The following ATG12 variants were observed in gnomAD, a reference collection of about 807,000 sequenced individuals.
ATG12 encodes the protein autophagy related 12.
In ATG12, 19 loss-of-function variants were observed where a neutral mutation model predicts 17.6. That is an observed-to-expected ratio of 1.08 (90% confidence interval 0.75 to 1.58). The LOEUF (loss-of-function observed/expected upper bound fraction) is 1.58, where lower values mean the gene tolerates loss of function less well. ATG12 is among the 40% of genes most tolerant of loss of function. The pLI, the probability that ATG12 is intolerant of heterozygous loss-of-function variation, is 0.00. For synonymous variants in ATG12, 75 were observed against 62.4 expected (o/e 1.20, Z -0.95); for missense variants, 214 against 162.0 (o/e 1.32, Z -1.74).
rs1231791116 is a variant in ATG12 at position 115,841,532 on chromosome 5, A to T, written c.21T>A (p.Ser7=). ...CAATTGAAGTAGGAAGCTGCAACAC[A>T]GACTGCGGCTCCTCCGCCATCTTGC... is the stretch of plus-strand genomic sequence containing the variant. The part of the protein sequence containing the change: MAEEPQ[S]VLQLPTSIAA... The change falls in exon 1 of 4, where the codon TCT becomes TCA. Residue 7 remains serine, a synonymous_variant. Transcript: ENST00000509910. 2 of 1,613,340 alleles carry T rather than the reference A, an allele frequency of 1.2e-6. No individual in the cohort carries two copies. The highest frequency in any genetic ancestry group is 1.7e-6 in the Non-Finnish European group (2 of 1,179,714).
rs947103455 is a variant in ATG12 at position 115,834,049 on chromosome 5, A to T, written c.301-1385T>A. Reference sequence around the variant, plus strand: ...GAAAAGTACATCTAATGAAGTATGTAGCGTACAGAAATGTACACTACTCTA... The same window carrying T: ...GAAAAGTACATCTAATGAAGTATGTTGCGTACAGAAATGTACACTACTCTA... On this transcript the variant is annotated intron_variant, in intron 2 of 3. Transcript: ENST00000509910. The T allele has an allele frequency of 5.3e-5, 8 of 152,356 alleles. No individual in the cohort carries two copies. The East Asian group carries it at 1.5e-3, about 29-fold the overall frequency. 9.4% of individuals were successfully genotyped at this position (152,356 alleles called of 1,614,324 possible). A position where few individuals can be genotyped will look rare whatever the true frequency, so the allele number is the denominator to read the frequency against.
intron 1 of ATG12, chr5:115,840,559 A>C: frequency 8.0e-7 from 1 of 1,249,542 alleles, no homozygotes; most frequent in Non-Finnish European, 1.0e-6. Context: ...CAGCCTACCA[A>C]AGTGCTGGGA....
intron 2 of ATG12, among the ~76,000 whole-genome samples, chr5:115,835,535 T>C (rs1401788108): frequency 1.3e-5 from 2 of 152,132 alleles, no homozygotes; most frequent in African/African-American, 4.8e-5. Context: ...CCCTACCCTT[T>C]TCAATTTTCA....
chr5:115,837,891 ATG>A (rs1241528906), intron 1 of ATG12, 127 bp from the exon 2 acceptor site: 4 of 735,360 alleles, frequency 5.4e-6, no homozygotes, highest in Non-Finnish European at 8.0e-6. Flanking sequence ...TACTGAAGAT[ATG>A]TGAGAGATGT....
rs2112711106 is a variant in ATG12, at chr5:115,828,740, C to T, written c.*3064G>A. The T allele has an allele frequency of 6.6e-6, 1 of 152,254 alleles. No individual in the cohort carries two copies. Among genetic ancestry groups the T allele is most frequent in the Admixed American group, 6.5e-5 (1 of 15,290 alleles). The allele number at this position is 152,254 out of a possible 1,614,324, so 9.4% of individuals were successfully genotyped here. On this transcript the variant is annotated 3_prime_UTR_variant, in exon 4 of 4. Transcript: ENST00000509910. ...TTCATTCACTCGATGTGTTACATTA[C>T]TAATTATTTACATATAAGGAAATGT...
In ATG12 at chr5:115,828,362, T is replaced by A. The variant is rs1397658588; in HGVS notation, c.*3442A>T. ...CCTAAAAGTGATATACCAACTCATA[T>A]TCTATTCACCAAAATATGACAGGAT... is the stretch of plus-strand genomic sequence containing the variant. On this transcript the variant is annotated 3_prime_UTR_variant, in exon 4 of 4. Transcript: ENST00000509910. The A allele has an allele frequency of 6.6e-6, 1 of 152,248 alleles. No individual in the cohort carries two copies. Among genetic ancestry groups the A allele is most frequent in the Non-Finnish European group, 1.5e-5 (1 of 68,038 alleles). The allele number at this position is 152,248 out of a possible 1,614,324, so 9.4% of individuals were successfully genotyped here. A position where few individuals can be genotyped will look rare whatever the true frequency, so the allele number is the denominator to read the frequency against.
chr5:115,841,219 CAACTT>C (rs371746365), intron 1 of ATG12, 166 bp downstream of exon 1: 137 of 813,082 alleles, frequency 1.7e-4, no homozygotes, highest in African/African-American at 1.6e-3. Context: ...TTTTAACACT[CAACTT>C]AAAGGCCTTA....
Position 115,831,703 on chromosome 5 carries a change from C to T in ATG12, c.*101G>A. 9.4e-7 allele frequency: 1 copy of T among 1,060,520 alleles called. No homozygotes were observed. The highest frequency in any genetic ancestry group is 1.4e-6 in the Non-Finnish European group (1 of 702,346). 65.7% of individuals were successfully genotyped at this position (1,060,520 alleles called of 1,614,324 possible). On this transcript the variant is annotated 3_prime_UTR_variant, in exon 4 of 4. Coordinates refer to ENST00000509910, the MANE Select transcript of ATG12 (RefSeq NM_004707.4). ...TAGAGTAGACACATACTAAATAGATCACATCTGTTAAGTCTCTTGCCACAA... is the reference window on the plus strand; with the variant it reads ...TAGAGTAGACACATACTAAATAGATTACATCTGTTAAGTCTCTTGCCACAA...
At chr5:115,835,264 G>A (rs1256458161) in intron 2 of ATG12, 1 of 152,082 alleles carries the variant, frequency 6.6e-6, no homozygotes, top group Non-Finnish European at 1.5e-5. Context: ...CGTCTCTAGG[G>A]ATGCTGTTCT....
rs61735405 is a variant in ATG12, at chr5:115,841,548, G to T, written c.5C>A (p.Ala2Glu). Residue 2 changes from alanine (A) to glutamate (E), a missense_variant, in exon 1 of 4, where the codon GCG (alanine) becomes GAG (glutamate). Transcript: ENST00000509910. ...CTGCAACACAGACTGCGGCTCCTCC[G>T]CCATCTTGCTTGGAGACACTCGAGA... M[A>E]EEPQSVLQLP... 1.9e-6 allele frequency: 3 copies of T among 1,613,696 alleles called. No homozygotes were observed. The highest frequency in any genetic ancestry group is 1.1e-5 in the South Asian group (1 of 91,080).
chr5:115,832,881 AAC>A (rs1207844157), intron 2 of ATG12: 2 of 413,444 alleles, frequency 4.8e-6, no homozygotes, highest in African/African-American at 2.1e-5. Context: ...CAGTTCCTAG[AAC>A]AGTGGTTCCT....
rs368109547 is a variant in ATG12 at position 115,841,377 on chromosome 5, T to G, written c.163+13A>C. The G allele has an allele frequency of 6.2e-7, 1 of 1,610,636 alleles. No homozygotes were observed. Among genetic ancestry groups the G allele is most frequent in the Non-Finnish European group, 8.5e-7 (1 of 1,179,566 alleles). On this transcript the variant is annotated intron_variant, in intron 1 of 3. Coordinates refer to ENST00000509910, the MANE Select transcript of ATG12 (RefSeq NM_004707.4). The stretch of plus-strand genomic sequence containing the variant: ...AACCTCCCGCCTCTCTGCCCGGAAA[T>G]AAATTCAGTTACTTTTTTTCTTGGT...
At position 115,828,618 on chromosome 5, in the gene ATG12, T is replaced by C. The variant is rs1006661675; in HGVS notation, c.*3186A>G. 9.8e-5 allele frequency: 15 copies of C among 152,318 alleles called. No homozygotes were observed. Among genetic ancestry groups the C allele is most frequent in the Middle Eastern group, 3.4e-3 (1 of 294 alleles). The allele number at this position is 152,318 out of a possible 1,614,324, so 9.4% of individuals were successfully genotyped here. ...ACTTAAGACATTAAAAACACTGTCA[T>C]ATGTTGCAAATATTTTCCATTACCT... On this transcript the variant is annotated 3_prime_UTR_variant, in exon 4 of 4. Coordinates refer to ENST00000509910, the MANE Select transcript of ATG12 (RefSeq NM_004707.4).
chr5:115,832,107 C>CTT (rs779743431), intron 3 of ATG12, among the ~76,000 whole-genome samples: 1 of 152,068 alleles, frequency 6.6e-6, no homozygotes, highest in African/African-American at 2.4e-5. Flanking sequence ...TAATCTTGTC[C>CTT]TTTCTCTACA....
intron 3 of ATG12, 37 bp downstream of exon 3, chr5:115,832,560 GTAATT>G (rs1561450455): frequency 2.4e-6 from 3 of 1,244,974 alleles, no homozygotes; most frequent in Non-Finnish European, 3.0e-6. Context: ...AAAAAAAGCA[GTAATT>G]TCTTTCTTTT....
chr5:115,833,549 C>T (rs1046163903), intron 2 of ATG12: 2 of 152,058 alleles, frequency 1.3e-5, no homozygotes, highest in African/African-American at 4.8e-5. Flanking sequence ...AATCTCTCAT[C>T]CTCTTTATTT....
rs35310189 is a variant in ATG12, at chr5:115,832,571, C to CTTTTTT, written c.363+25_363+30dup. 132 of 802,420 alleles carry CTTTTTT rather than the reference C, an allele frequency of 1.6e-4. 1 individual carries two copies. The highest frequency in any genetic ancestry group is 8.1e-4 in the African/African-American group (25 of 30,828). The allele number at this position is 802,420 out of a possible 1,614,324, so 49.7% of individuals were successfully genotyped here. A position where few individuals can be genotyped will look rare whatever the true frequency, so the allele number is the denominator to read the frequency against. On this transcript the variant is annotated intron_variant, in intron 3 of 3. Transcript: ENST00000509910. ...AAGAAAAAAAAGCAGTAATTTCTTTCTTTTTTTTTTTTTTTTTTTTTTTTT... is the reference window on the plus strand; with the variant it reads ...AAGAAAAAAAAGCAGTAATTTCTTTCTTTTTTTTTTTTTTTTTTTTTTTTTTTTTTT...
intron 2 of ATG12, among the ~76,000 whole-genome samples, chr5:115,834,607 T>G (rs1450569019): frequency 6.6e-6 from 1 of 152,210 alleles, no homozygotes; most frequent in East Asian, 1.9e-4. Context: ...ATTCTGGTTA[T>G]AAAGCTCTCT....
At chr5:115,840,806 G>A in intron 1 of ATG12, 1 of 1,213,486 alleles carries the variant, frequency 8.2e-7, no homozygotes. Context: ...CTCAAGCAAT[G>A]AAATAACTCA....
Sources: allele counts gnomAD v4.1 joint callset (sites outside exome capture counted in the v4.1 genomes callset), GRCh38; gene constraint gnomAD v4.1.1; transcripts MANE v1.5; gene names NCBI Gene and HGNC (gene_info 2026-07-23, HGNC 2026-07-21).